SLC25A51: variants seen among roughly 807,000 people sequenced by gnomAD.
SLC25A51 encodes solute carrier family 25 member 51, also known as mitochondrial nicotinamide adenine dinucleotide transporter SLC25A51.
A neutral mutation model predicts 19.1 loss-of-function variants in SLC25A51; 11 were observed. The observed-to-expected ratio is 0.58, with a 90% CI of 0.36 to 0.96. SLC25A51 has a LOEUF of 0.96. Among genes scored for constraint, SLC25A51 ranks in the 40% least tolerant of loss-of-function variants. The probability of loss-of-function intolerance (pLI) is 0.01; values close to 1 mark genes in which losing one functional copy is unlikely to be tolerated. For missense variants in SLC25A51, 201 were observed against 365.4 expected (o/e 0.55, Z 3.67); for synonymous variants, 105 against 133.6 (o/e 0.79, Z 1.47).
At chr9:37,893,745 C>A (rs895693760) in intron 2 of SLC25A51, among the ~76,000 whole-genome samples, 1 of 151,940 alleles carries the variant, frequency 6.6e-6, no homozygotes, top group African/African-American at 2.4e-5. Flanking sequence ...GTTTGTAGAT[C>A]CAGTAACAAC....
At chr9:37,885,604 T>C, downstream of SLC25A51, 1 of 750,152 alleles carries the variant, frequency 1.3e-6, no homozygotes, top group Non-Finnish European at 2.4e-6. Context: ...AGTTTCACTC[T>C]TTTTGGCAAC....
At chr9:37,896,678 C>T (rs1219641265) in intron 2 of SLC25A51, among the ~76,000 whole-genome samples, 1 of 152,136 alleles carries the variant, frequency 6.6e-6, no homozygotes, top group Non-Finnish European at 1.5e-5. Context: ...CACCTGTTGT[C>T]CCACCTACTC....
At chr9:37,897,476 T>C (rs1831743096) in intron 2 of SLC25A51, among the ~76,000 whole-genome samples, 1 of 152,140 alleles carries the variant, frequency 6.6e-6, no homozygotes, top group Non-Finnish European at 1.5e-5. Context: ...TACTGAATTC[T>C]TACTATGTCT....
intron 2 of SLC25A51, 127 bp from the exon 3 acceptor site, chr9:37,888,719 T>C: frequency 2.6e-6 from 2 of 772,222 alleles, no homozygotes; most frequent in Non-Finnish European, 3.9e-6. Context: ...CAGTGATTCT[T>C]AAAGCATTTT....
chr9:37,887,936 C>T lies in SLC25A51; in HGVS notation c.615G>A (p.Thr205=), dbSNP rs758483371. 6.8e-6 allele frequency: 11 copies of T among 1,611,888 alleles called. No homozygotes were observed. Among genetic ancestry groups the T allele is most frequent in the East Asian group, 2.2e-5 (1 of 44,900 alleles). The change falls in exon 3 of 3, where the codon ACG becomes ACA. Residue 205 remains threonine (T), a synonymous_variant. Transcript: ENST00000242275. ...GPIKEHLPTA[T]THSAHLVNDF... ...CATTGACCAGATGAGCACTGTGAGT[C>T]GTTGCGGTAGGCAGATGCTCCTTAA... is the stretch of plus-strand genomic sequence containing the variant.
intron 2 of SLC25A51, among the ~76,000 whole-genome samples, chr9:37,899,474 T>C (rs1212262828): frequency 6.6e-6 from 1 of 152,086 alleles, no homozygotes; most frequent in Admixed American, 6.6e-5. Flanking sequence ...CTCAAGCTCC[T>C]AGACTTAAGC....
chr9:37,886,483 C>A, downstream of SLC25A51: 1 of 1,376,162 alleles, frequency 7.3e-7, no homozygotes, highest in Non-Finnish European at 9.7e-7. Context: ...TTATGTTTTC[C>A]CTTTGGCTGT....
chr9:37,879,241 G>A, downstream of SLC25A51: 1 of 273,104 alleles, frequency 3.7e-6, no homozygotes, highest in South Asian at 4.3e-5. Flanking sequence ...TTTGGGATCA[G>A]TGATGTTTGG....
At chr9:37,890,220 T>C (rs559243504) in intron 2 of SLC25A51, among the ~76,000 whole-genome samples, 1 of 151,738 alleles carries the variant, frequency 6.6e-6, no homozygotes, top group Non-Finnish European at 1.5e-5. Context: ...CCCATGCCTA[T>C]GAAAAAGTTA....
At chr9:37,901,038 G>C (rs949821124) in intron 1 of SLC25A51, among the ~76,000 whole-genome samples, 1 of 151,604 alleles carries the variant, frequency 6.6e-6, no homozygotes, top group African/African-American at 2.4e-5. Flanking sequence ...GCTAATTTTT[G>C]TATGTTTTGT....
intron 1 of SLC25A51, among the ~76,000 whole-genome samples, chr9:37,902,288 G>A (rs933211810): frequency 1.3e-5 from 2 of 152,062 alleles, no homozygotes; most frequent in Non-Finnish European, 2.9e-5. Flanking sequence ...GTGAGAATGG[G>A]GACTGTTATT....
chr9:37,891,959 T>C (rs1319230612), intron 2 of SLC25A51, among the ~76,000 whole-genome samples: 1 of 110,696 alleles, frequency 9.0e-6, no homozygotes, highest in Non-Finnish European at 1.9e-5. Context: ...TAACAGCAAA[T>C]AATGAATACA....
chr9:37,883,375 A>C (rs937740312), downstream of SLC25A51, among the ~76,000 whole-genome samples: 1 of 152,258 alleles, frequency 6.6e-6, no homozygotes, highest in Non-Finnish European at 1.5e-5. Flanking sequence ...AGAAATAAAA[A>C]AAAATACTGA....
At chr9:37,892,938 C>A (rs1161387196) in intron 2 of SLC25A51, among the ~76,000 whole-genome samples, 1 of 152,102 alleles carries the variant, frequency 6.6e-6, no homozygotes, top group Non-Finnish European at 1.5e-5. Flanking sequence ...CAGATTTTTG[C>A]TGTGTTGGTC....
intron 1 of SLC25A51, among the ~76,000 whole-genome samples, chr9:37,902,870 C>G (rs1190462429): frequency 6.6e-6 from 1 of 152,290 alleles, no homozygotes; most frequent in Middle Eastern, 3.4e-3. Context: ...GCACAAAGGT[C>G]TCTGCAAAAA....
At chr9:37,882,773 G>A (rs1034872776), downstream of SLC25A51, among the ~76,000 whole-genome samples, 10 of 152,182 alleles carry the variant, frequency 6.6e-5, no homozygotes, top group Non-Finnish European at 1.3e-4. Flanking sequence ...CTGCGCTCAT[G>A]AGCCATTTGT....
downstream of SLC25A51, among the ~76,000 whole-genome samples, chr9:37,882,999 ATACCCGGC>A (rs1376570818): frequency 6.6e-6 from 1 of 152,180 alleles, no homozygotes; most frequent in East Asian, 1.9e-4. Flanking sequence ...ATGTGCCACC[ATACCCGGC>A]TAGTTTTTTG....
chr9:37,899,977 A>T, intron 1 of SLC25A51, 27 bp from the exon 2 acceptor site: 1 of 113,960 alleles, frequency 8.8e-6, no homozygotes, highest in Non-Finnish European at 1.8e-5. Flanking sequence ...TTCTGGTTTA[A>T]TTTATATAGC....
chr9:37,901,952 T>C (rs1006302981), intron 1 of SLC25A51, among the ~76,000 whole-genome samples: 2 of 152,254 alleles, frequency 1.3e-5, no homozygotes, highest in South Asian at 2.1e-4. Context: ...TTGATACCTA[T>C]GTAATGCTTT....
Sources: allele counts gnomAD v4.1 joint callset (sites outside exome capture counted in the v4.1 genomes callset), GRCh38; gene constraint gnomAD v4.1.1; transcripts MANE v1.5; gene names NCBI Gene and HGNC (gene_info 2026-07-23, HGNC 2026-07-21).